Variants in ANKFN1 observed in about 807,000 individuals in gnomAD.
The protein encoded by ANKFN1 is ankyrin repeat and fibronectin type III domain containing 1, also known as ankyrin repeat and fibronectin type-III domain-containing protein 1.
A neutral mutation model predicts 108.7 loss-of-function variants in ANKFN1; 74 were observed. That is an observed-to-expected ratio of 0.68 (90% CI 0.56 to 0.83). The LOEUF (loss-of-function observed/expected upper bound fraction) is 0.83, where lower values mean the gene tolerates loss of function less well. Ranked by LOEUF, ANKFN1 falls within the 40% of genes least tolerant of loss-of-function variation. The pLI, the probability that ANKFN1 is intolerant of heterozygous loss-of-function variation, is 0.00. For missense variants in ANKFN1, 1,505 were observed against 1,382.3 expected (o/e 1.09, Z -1.41); for synonymous variants, 547 against 516.2 (o/e 1.06, Z -0.81).
intron 8 of ANKFN1, among the ~76,000 whole-genome samples, chr17:56,417,186 T>A (rs2048266475): frequency 6.6e-6 from 1 of 152,172 alleles, no homozygotes; most frequent in Admixed American, 6.5e-5. Flanking sequence ...CATTAATAAT[T>A]TAATTTTATG....
Position 56,466,613 on chromosome 17 carries a change from C to T in ANKFN1, c.1773+42C>T. 2.0e-6 allele frequency: 3 copies of T among 1,514,336 alleles called. No individual in the cohort carries two copies. In the South Asian group the frequency reaches 3.6e-5, roughly 18 times the overall value. 93.8% of individuals were successfully genotyped at this position (1,514,336 alleles called of 1,614,324 possible). On this transcript the variant is annotated intron_variant, in intron 15 of 20. Transcript: ENST00000682825. ...TTAATTCCCGGGTATACTTAAGGTT[C>T]CAAACCCAATTATTGAAGGTCTAGT...
At chr17:56,272,740 C>A (rs1963693182) in intron 3 of ANKFN1, among the ~76,000 whole-genome samples, 1 of 152,050 alleles carries the variant, frequency 6.6e-6, no homozygotes, top group Non-Finnish European at 1.5e-5. Context: ...TGAGGAACTA[C>A]CATAATATTT....
At chr17:56,170,807 T>TATATATATATATATACACAC (rs1361307404) in intron 1 of ANKFN1, among the ~76,000 whole-genome samples, 7 of 61,458 alleles carry the variant, frequency 1.1e-4, no homozygotes, top group African/African-American at 2.8e-4. Context: ...TATATATATA[T>TATATATATATATATACACAC]ACACACACAC....
chr17:56,267,108 C>A, intron 3 of ANKFN1, among the ~76,000 whole-genome samples: 1 of 152,164 alleles, frequency 6.6e-6, no homozygotes, highest in East Asian at 1.9e-4. Context: ...GTGTCCCTTG[C>A]TCCCTTCCTA....
At chr17:56,307,465 A>T (rs1209160037) in intron 3 of ANKFN1, among the ~76,000 whole-genome samples, 2 of 152,244 alleles carry the variant, frequency 1.3e-5, no homozygotes, top group African/African-American at 4.8e-5. Flanking sequence ...CAGCCAAAAG[A>T]CACATGAGAA....
chr17:56,143,044 C>T (rs1158598037), intron 4 of ANKFN1, among the ~76,000 whole-genome samples: 1 of 151,968 alleles, frequency 6.6e-6, no homozygotes, highest in Admixed American at 6.6e-5. Flanking sequence ...TTAGTATTCA[C>T]AGGAAGCTGA....
chr17:56,171,899 C>T (rs1335952393), intron 1 of ANKFN1, among the ~76,000 whole-genome samples: 1 of 152,180 alleles, frequency 6.6e-6, no homozygotes, highest in African/African-American at 2.4e-5. Flanking sequence ...GGTCTCTGTC[C>T]TGGCTTTTCT....
intron 2 of ANKFN1, among the ~76,000 whole-genome samples, chr17:56,227,005 C>T (rs1447667342): frequency 1.3e-5 from 2 of 152,102 alleles, no homozygotes; most frequent in African/African-American, 4.8e-5. Flanking sequence ...ACTGAAGTAA[C>T]TAATCTGACC....
chr17:56,275,253 T>C (rs1023197787), intron 3 of ANKFN1, among the ~76,000 whole-genome samples: 1 of 151,718 alleles, frequency 6.6e-6, no homozygotes, highest in Non-Finnish European at 1.5e-5. Flanking sequence ...GATTTAACCC[T>C]GCTAAAAATT....
intron 8 of ANKFN1, among the ~76,000 whole-genome samples, chr17:56,388,458 G>A (rs2047337295): frequency 6.6e-6 from 1 of 152,110 alleles, no homozygotes; most frequent in Non-Finnish European, 1.5e-5. Context: ...ATCAATATCT[G>A]TGCAATTATA....
chr17:56,339,841 A>G (rs1266836212), intron 4 of ANKFN1, among the ~76,000 whole-genome samples: 6 of 152,094 alleles, frequency 3.9e-5, no homozygotes, highest in African/African-American at 1.4e-4. Flanking sequence ...TGCTGAGTCA[A>G]ATGGTATTTC....
At chr17:56,455,023 C>T (rs2049637827) in intron 11 of ANKFN1, among the ~76,000 whole-genome samples, 1 of 152,044 alleles carries the variant, frequency 6.6e-6, no homozygotes, top group Non-Finnish European at 1.5e-5. Flanking sequence ...TTCACAAATC[C>T]TCCTTGTTTT....
intron 3 of ANKFN1, among the ~76,000 whole-genome samples, chr17:56,313,201 G>A (rs1475166399): frequency 6.6e-6 from 1 of 151,822 alleles, no homozygotes; most frequent in African/African-American, 2.4e-5. Context: ...AAGATTAATG[G>A]ACATGAGGGA....
chr17:56,170,668 C>T (rs1448945982), intron 1 of ANKFN1, among the ~76,000 whole-genome samples: 1 of 150,374 alleles, frequency 6.7e-6, no homozygotes, highest in Non-Finnish European at 1.5e-5. Context: ...GAGGCTGAGG[C>T]AGGAGAATCT....
intron 2 of ANKFN1, chr17:56,215,873 C>G (rs993375710): frequency 1.3e-5 from 2 of 152,638 alleles, no homozygotes; most frequent in African/African-American, 4.8e-5. Context: ...GCTGGGCAGA[C>G]AGAATTGTGT....
rs746044298 is a variant in ANKFN1 at position 56,350,821 on chromosome 17, A to G, written c.244A>G (p.Lys82Glu). 1.2e-6 allele frequency: 2 copies of G among 1,613,848 alleles called. No homozygotes were observed. The highest frequency in any genetic ancestry group is 1.7e-5 in the Admixed American group (1 of 59,980). Reference protein sequence around the residue: ...QMQNLHLCQSKKHSAPSSPNA... With the variant: ...QMQNLHLCQSEKHSAPSSPNA... The stretch of plus-strand genomic sequence containing the variant: ...GCAAAATTTACATCTCTGTCAGTCA[A>G]AAAAACATAGTGCTCCCTCATCTCC... Residue 82 changes from lysine (K) to glutamate (E), a missense_variant, in exon 5 of 21, where the codon AAA becomes GAA. Coordinates refer to ENST00000682825, the MANE Select transcript of ANKFN1 (RefSeq NM_001370326.1).
chr17:56,368,184 A>C, intron 6 of ANKFN1: 1 of 1,361,550 alleles, frequency 7.3e-7, no homozygotes, highest in Non-Finnish European at 9.8e-7. Flanking sequence ...CTTTTGATGA[A>C]GATCAGCATA....
At chr17:56,280,994 C>T (rs1290903431) in intron 3 of ANKFN1, among the ~76,000 whole-genome samples, 3 of 152,286 alleles carry the variant, frequency 2.0e-5, no homozygotes, top group African/African-American at 7.2e-5. Context: ...GCTCTCTTCT[C>T]TTGTCTGCCA....
At chr17:56,232,328 C>T (rs568859081) in intron 3 of ANKFN1, among the ~76,000 whole-genome samples, 3 of 151,876 alleles carry the variant, frequency 2.0e-5, no homozygotes, top group Non-Finnish European at 4.4e-5. Flanking sequence ...AAAACAAAAA[C>T]AAAAAGAAAT....
Sources: gnomAD v4.1 joint callset for allele counts (sites outside exome capture counted in the v4.1 genomes callset) on GRCh38, gnomAD v4.1.1 for gene constraint, MANE v1.5 for transcripts, NCBI Gene and HGNC (gene_info 2026-07-23, HGNC 2026-07-21) for gene names.